The following ELK1 variants were observed in gnomAD, a reference collection of about 807,000 sequenced individuals.
ELK1 encodes the protein ETS transcription factor ELK1, also known as ETS domain-containing protein Elk-1.
For synonymous variants in ELK1, 163 were observed against 176.3 expected, an observed-to-expected ratio of 0.92 and a Z score of 0.60; for missense variants, 254 against 381.5, an observed-to-expected ratio of 0.67 and a Z score of 2.78.
intron 3 of ELK1, 76 bp from the exon 4 acceptor site, chrX:47,639,414 G>T: frequency 2.3e-6 from 2 of 878,429 alleles, no homozygotes; most frequent in East Asian, 3.4e-5. Flanking sequence ...GGGGGAGGAG[G>T]GGGGTGGAGT....
At chrX:47,646,665 C>T (rs764986586) in intron 2 of ELK1, among the ~76,000 whole-genome samples, 1 of 112,528 alleles carries the variant, frequency 8.9e-6, no homozygotes, top group African/African-American at 3.2e-5. Flanking sequence ...CAGGCACCAC[C>T]GTGTGGTAAA....
chrX:47,645,474 C>G (rs1174316650), intron 2 of ELK1, among the ~76,000 whole-genome samples: 2 of 111,846 alleles, frequency 1.8e-5, no homozygotes, highest in South Asian at 7.4e-4. Context: ...TGAGCAATCG[C>G]CTTACACCAC....
chrX:47,635,779 C>A lies in ELK1; in HGVS notation c.*1050G>T, dbSNP rs898176971. On this transcript the variant is annotated 3_prime_UTR_variant, in exon 7 of 7. Transcript: ENST00000376983. ...TATGTCCCCCATTCCTCCCTCCCAA[C>A]TCCAGGGACATTGAAAGGGTCCTTT... The A allele has an allele frequency of 1.8e-5, 2 of 110,847 alleles. No homozygotes were observed. The highest frequency in any genetic ancestry group is 6.6e-5 in the African/African-American group (2 of 30,303). The allele number at this position is 110,847 out of a possible 1,213,427, so 9.1% of individuals were successfully genotyped here.
rs1177524408 is a variant in ELK1 at position 47,637,985 on chromosome X, G to A, written c.852C>T (p.Ala284=). ...TGTCCATAACAACCGCGGGCAGCCGGGCTGGCACGCCCTCCTGTGGAGGGA... is the reference window on the plus strand; with the variant it reads ...TGTCCATAACAACCGCGGGCAGCCGAGCTGGCACGCCCTCCTGTGGAGGGA... ...PEVPPQEGVP[A]RLPAVVMDTA... The change falls in exon 5 of 7, where the codon GCC becomes GCT. Residue 284 remains alanine (A), a synonymous_variant. Coordinates refer to ENST00000376983, the MANE Select transcript of ELK1 (RefSeq NM_001114123.3). 3.3e-6 allele frequency: 4 copies of A among 1,210,674 alleles called. No homozygotes were observed. In the South Asian group the frequency reaches 5.3e-5, roughly 16 times the overall value.
At chrX:47,638,846 C>T in intron 4 of ELK1, 49 bp downstream of exon 4, 2 of 1,154,216 alleles carry the variant, frequency 1.7e-6, no homozygotes, top group Non-Finnish European at 2.3e-6. Flanking sequence ...TTACACATCC[C>T]TCCTCTTTAC....
At chrX:47,649,754 C>G (rs1252794886) in intron 2 of ELK1, among the ~76,000 whole-genome samples, 167 bp downstream of exon 2, 2 of 98,588 alleles carry the variant, frequency 2.0e-5, no homozygotes, top group East Asian at 6.4e-4. Flanking sequence ...AAAGAGGAGA[C>G]AGGGCAATGG....
At chrX:47,647,270 C>G (rs192751011) in intron 2 of ELK1, among the ~76,000 whole-genome samples, 2 of 107,801 alleles carry the variant, frequency 1.9e-5, no homozygotes, top group East Asian at 5.9e-4. Context: ...AAGCAATTCT[C>G]CTGCCTCAGC....
At chrX:47,639,421 G>T in intron 3 of ELK1, 83 bp from the exon 4 acceptor site, 1 of 833,892 alleles carries the variant, frequency 1.2e-6, no homozygotes, top group Non-Finnish European at 1.7e-6. Flanking sequence ...GAGGGGGGTG[G>T]AGTGGCATTT....
intron 2 of ELK1, among the ~76,000 whole-genome samples, chrX:47,642,819 G>C: frequency 9.0e-6 from 1 of 111,382 alleles, no homozygotes; most frequent in East Asian, 2.8e-4. Context: ...GACTGGTCTT[G>C]AACTCCTGAC....
At chrX:47,645,501 G>T (rs1229114178) in intron 2 of ELK1, among the ~76,000 whole-genome samples, 1 of 112,042 alleles carries the variant, frequency 8.9e-6, no homozygotes, top group Non-Finnish European at 1.9e-5. Flanking sequence ...TCCATGAAGA[G>T]AAACAGAGAA....
At chrX:47,643,716 T>G (rs2058035269) in intron 2 of ELK1, among the ~76,000 whole-genome samples, 1 of 111,433 alleles carries the variant, frequency 9.0e-6, no homozygotes, top group South Asian at 3.8e-4. Flanking sequence ...TTATTTTTTT[T>G]TTTAATGGGC....
At chrX:47,646,784 C>A (rs1423761051) in intron 2 of ELK1, among the ~76,000 whole-genome samples, 1 of 112,196 alleles carries the variant, frequency 8.9e-6, no homozygotes, top group Non-Finnish European at 1.9e-5. Flanking sequence ...CCTGCCCCTG[C>A]AATCCTATCC....
chrX:47,650,187 A>T (rs1309574731), intron 1 of ELK1, among the ~76,000 whole-genome samples, 161 bp from the exon 2 acceptor site: 1 of 109,921 alleles, frequency 9.1e-6, no homozygotes, highest in Non-Finnish European at 1.9e-5. Flanking sequence ...GGGGAAAAAC[A>T]TAAGCACGCA....
At chrX:47,640,663 G>A (rs755633219) in intron 3 of ELK1, among the ~76,000 whole-genome samples, 6 of 111,783 alleles carry the variant, frequency 5.4e-5, no homozygotes, top group East Asian at 2.8e-4. Flanking sequence ...GTGGAAGTTG[G>A]CATTAAACAT....
chrX:47,636,935 CAA>C lies in ELK1; in HGVS notation c.1189-10_1189-9del. 1 of 1,182,691 alleles carries C rather than the reference CAA, an allele frequency of 8.5e-7. No individual in the cohort carries two copies. Among genetic ancestry groups the C allele is most frequent in the Non-Finnish European group, 1.1e-6 (1 of 880,571 alleles). ...GCTGCCACTGGATGGAAACTGGGGGCAAAAAGAGGGAGAGGTCACAGATGGGG... is the reference window on the plus strand; with the variant it reads ...GCTGCCACTGGATGGAAACTGGGGGCAAAGAGGGAGAGGTCACAGATGGGG... On this transcript the variant is annotated splice_polypyrimidine_tract_variant and intron_variant, in intron 6 of 6. Transcript: ENST00000376983.
At position 47,638,826 on chromosome X, in the gene ELK1, C is replaced by A; in HGVS notation, c.654+69G>T. ...TGTCTCTTCTACCAGCCTCCCTCGT[C>A]ATCCGGGGATTACACATCCCTCCTC... On this transcript the variant is annotated intron_variant, in intron 4 of 6. Transcript: ENST00000376983. The A allele has an allele frequency of 9.0e-6, 10 of 1,110,961 alleles. 1 individual carries two copies. The South Asian group carries it at 1.9e-4, about 22-fold the overall frequency. 91.6% of individuals were successfully genotyped at this position (1,110,961 alleles called of 1,213,427 possible).
Position 47,635,710 on chromosome X carries a change from T to C in ELK1, c.*1119A>G, listed in dbSNP as rs2058005147. On this transcript the variant is annotated 3_prime_UTR_variant, in exon 7 of 7. Transcript: ENST00000376983. ...GCTAACAGGTGAGCCCAGGAGTCTT[T>C]TGAACCCACTCTCTCTTGCCTAGAA... 9.0e-6 allele frequency: 1 copy of C among 111,028 alleles called. No homozygotes were observed. The allele number at this position is 111,028 out of a possible 1,213,427, so 9.1% of individuals were successfully genotyped here.
intron 4 of ELK1, among the ~76,000 whole-genome samples, chrX:47,638,386 G>A (rs762117199): frequency 8.9e-6 from 1 of 112,729 alleles, no homozygotes; most frequent in African/African-American, 3.2e-5. Flanking sequence ...TATGGGACAG[G>A]GGACTTGGGG....
chrX:47,637,197 C>T, intron 5 of ELK1, 83 bp from the exon 6 acceptor site: 1 of 945,808 alleles, frequency 1.1e-6, no homozygotes. Flanking sequence ...GGCCCCACCA[C>T]AGATTTCCCA....
Sources: gnomAD v4.1 joint callset for allele counts (sites outside exome capture counted in the v4.1 genomes callset) on GRCh38, gnomAD v4.1.1 for gene constraint, MANE v1.5 for transcripts, NCBI Gene and HGNC (gene_info 2026-07-23, HGNC 2026-07-21) for gene names.